The following PDE11A variants were observed in gnomAD, a reference collection of about 807,000 sequenced individuals.
The protein encoded by PDE11A is dual 3',5'-cyclic-AMP and -GMP phosphodiesterase 11A.
PDE11A carries 100 observed loss-of-function variants against 100.5 expected under a neutral mutation model. The observed-to-expected ratio is 1.00, with a 90% CI of 0.85 to 1.18. The LOEUF (loss-of-function observed/expected upper bound fraction) is 1.18, where lower values mean the gene tolerates loss of function less well. Ranked by LOEUF, PDE11A falls within the 50% of genes most tolerant of loss-of-function variation. The probability of loss-of-function intolerance (pLI) is 0.00; values close to 1 mark genes in which losing one functional copy is unlikely to be tolerated. For missense variants in PDE11A, 1,141 were observed against 1,152.6 expected (o/e 0.99, Z 0.15); for synonymous variants, 381 against 420.8 (o/e 0.91, Z 1.16).
chr2:178,062,293 G>T (rs909903286), intron 1 of PDE11A, among the ~76,000 whole-genome samples: 3 of 151,290 alleles, frequency 2.0e-5, no homozygotes, highest in Admixed American at 6.6e-5. Context: ...TCAAAGATGG[G>T]GAAGTGAGAG....
At chr2:177,647,653 C>G (rs889027069) in intron 19 of PDE11A, among the ~76,000 whole-genome samples, 6 of 152,266 alleles carry the variant, frequency 3.9e-5, no homozygotes, top group Middle Eastern at 3.4e-3. Context: ...GGGGAGGAAC[C>G]ATCAAGTCCA....
At chr2:177,998,463 A>C in intron 2 of PDE11A, 1 of 1,294,620 alleles carries the variant, frequency 7.7e-7, no homozygotes, top group African/African-American at 1.4e-5. Flanking sequence ...CAAAAGTTGC[A>C]TTAGTATATC....
At chr2:177,793,264 TG>T (rs1417480080) in intron 9 of PDE11A, among the ~76,000 whole-genome samples, 1 of 152,158 alleles carries the variant, frequency 6.6e-6, no homozygotes, top group African/African-American at 2.4e-5. Flanking sequence ...ATTATGACCT[TG>T]GAAGGCCCTA....
chr2:177,877,266 G>A (rs1574243612), intron 4 of PDE11A, among the ~76,000 whole-genome samples: 1 of 136,978 alleles, frequency 7.3e-6, no homozygotes, highest in East Asian at 2.0e-4. Context: ...CCGGGTTCAA[G>A]TAATTCTCCC....
In PDE11A at chr2:177,669,510, G is replaced by T; in HGVS notation, c.2545C>A (p.Leu849Ile). 1 of 1,371,686 alleles carries T rather than the reference G, an allele frequency of 7.3e-7. No homozygotes were observed. 85.0% of individuals were successfully genotyped at this position (1,371,686 alleles called of 1,614,324 possible). A position where few individuals can be genotyped will look rare whatever the true frequency, so the allele number is the denominator to read the frequency against. The change falls in exon 18 of 20, where the codon CTC (leucine) becomes ATC (isoleucine). Residue 849 changes from leucine to isoleucine, a missense_variant. Physicochemically the swap from Leu to Ile is conservative, Grantham distance 5 (BLOSUM62 2). Coordinates refer to ENST00000286063, the MANE Select transcript of PDE11A (RefSeq NM_016953.4). ...FEQGDRERLE[L>I]KLTPSAIFDR... ...GAACTCACTGAAGGAGTGAGTTTGA[G>T]CTCTAATCTCTCCCGATCTCCTTGT...
At chr2:178,093,202 T>C (rs2087445517) in intron 2 of PDE11A, among the ~76,000 whole-genome samples, 1 of 152,182 alleles carries the variant, frequency 6.6e-6, no homozygotes, top group Non-Finnish European at 1.5e-5. Context: ...TCTTCTATGG[T>C]AAACCAATGA....
intron 2 of PDE11A, among the ~76,000 whole-genome samples, chr2:177,924,787 G>A (rs563394574): frequency 3.4e-5 from 5 of 147,676 alleles, no homozygotes; most frequent in Non-Finnish European, 7.4e-5. Context: ...GTGCAGGTTA[G>A]TTACATATGT....
At chr2:177,689,359 G>A (rs1043170070) in intron 15 of PDE11A, among the ~76,000 whole-genome samples, 2 of 152,216 alleles carry the variant, frequency 1.3e-5, no homozygotes, top group African/African-American at 4.8e-5. Flanking sequence ...TGGGATTACA[G>A]GCGTGAGCCA....
chr2:177,814,040 T>C (rs774378453), intron 9 of PDE11A, among the ~76,000 whole-genome samples: 1 of 152,080 alleles, frequency 6.6e-6, no homozygotes, highest in African/African-American at 2.4e-5. Context: ...TAGCCCAGGA[T>C]CTCAGAAAGA....
intron 19 of PDE11A, among the ~76,000 whole-genome samples, chr2:177,653,352 T>G (rs2080336917): frequency 6.6e-6 from 1 of 152,148 alleles, no homozygotes. Flanking sequence ...CCTGGCTGTG[T>G]GGGTTGTGGG....
intron 4 of PDE11A, among the ~76,000 whole-genome samples, chr2:177,880,580 A>G (rs1464534940): frequency 1.3e-5 from 2 of 152,310 alleles, no homozygotes; most frequent in Middle Eastern, 3.4e-3. Context: ...ACAGCTTTCA[A>G]TGAGTTCTTT....
chr2:177,876,704 C>T (rs1028310666), intron 4 of PDE11A, among the ~76,000 whole-genome samples: 1 of 148,174 alleles, frequency 6.7e-6, no homozygotes, highest in African/African-American at 2.6e-5. Context: ...AAAAGACTTA[C>T]TCAGTTTCAC....
intron 2 of PDE11A, among the ~76,000 whole-genome samples, chr2:177,948,887 G>C (rs1320510620): frequency 6.6e-6 from 1 of 152,184 alleles, no homozygotes; most frequent in African/African-American, 2.4e-5. Context: ...TCCAGCCTGG[G>C]TGACAGAGTG....
intron 13 of PDE11A, among the ~76,000 whole-genome samples, chr2:177,701,888 T>C (rs944616733): frequency 1.3e-5 from 2 of 152,206 alleles, no homozygotes; most frequent in Admixed American, 1.3e-4. Flanking sequence ...CAGCTCTTCC[T>C]CCAAGTAGTA....
At chr2:177,972,584 T>C (rs145755091) in intron 2 of PDE11A, among the ~76,000 whole-genome samples, 2 of 151,982 alleles carry the variant, frequency 1.3e-5, no homozygotes, top group Non-Finnish European at 2.9e-5. Context: ...GGATGTTTTA[T>C]GATAGGGGAG....
At chr2:177,846,107 C>T (rs146107259) in intron 5 of PDE11A, among the ~76,000 whole-genome samples, 44 of 152,140 alleles carry the variant, frequency 2.9e-4, no homozygotes, top group African/African-American at 1.1e-3. Context: ...AATGCAGAAT[C>T]GTAACACTGA....
chr2:177,675,887 C>T, intron 16 of PDE11A: 1 of 365,392 alleles, frequency 2.7e-6, no homozygotes, highest in South Asian at 2.2e-5. Flanking sequence ...CAGTATATAA[C>T]ACTATATACA....
chr2:177,969,360 C>G (rs1005379351), intron 2 of PDE11A, among the ~76,000 whole-genome samples: 6 of 152,072 alleles, frequency 3.9e-5, no homozygotes, highest in Non-Finnish European at 7.4e-5. Flanking sequence ...GTGTAGCAAA[C>G]CACCATGGCA....
chr2:178,052,670 G>A (rs1407513404), intron 1 of PDE11A, among the ~76,000 whole-genome samples: 2 of 152,108 alleles, frequency 1.3e-5, no homozygotes, highest in African/African-American at 4.8e-5. Context: ...AATAAAAAAT[G>A]ATAAAGGGGA....
Sources: allele counts gnomAD v4.1 joint callset (sites outside exome capture counted in the v4.1 genomes callset), GRCh38; gene constraint gnomAD v4.1.1; transcripts MANE v1.5; gene names NCBI Gene and HGNC (gene_info 2026-07-23, HGNC 2026-07-21).